ZNF831: variants seen among roughly 807,000 people sequenced by gnomAD.
ZNF831 encodes zinc finger protein 831.
Under a neutral mutation model 95.8 loss-of-function variants are expected in ZNF831, and 59 were observed. The observed-to-expected ratio is 0.62, with a 90% CI of 0.50 to 0.77. ZNF831 has a LOEUF of 0.77. Among genes scored for constraint, ZNF831 ranks in the 30% least tolerant of loss-of-function variants. The probability of loss-of-function intolerance (pLI) is 0.00; values close to 1 mark genes in which losing one functional copy is unlikely to be tolerated. For missense variants in ZNF831, 2,205 were observed against 2,164.0 expected (o/e 1.02, Z -0.38); for synonymous variants, 961 against 925.5 (o/e 1.04, Z -0.70).
chr20:59,198,388 A>G (rs975840882), intron 3 of ZNF831, among the ~76,000 whole-genome samples: 4 of 152,252 alleles, frequency 2.6e-5, no homozygotes, highest in Non-Finnish European at 5.9e-5. Context: ...CTTACATGGC[A>G]ACAGCCAGAT....
chr20:59,157,051 C>A (rs1019883243), intron 2 of ZNF831, among the ~76,000 whole-genome samples: 4 of 152,250 alleles, frequency 2.6e-5, no homozygotes, highest in Admixed American at 2.0e-4. Flanking sequence ...TCACCTCAAG[C>A]ATTTATCATC....
chr20:59,213,921 C>T (rs1055912739), intron 4 of ZNF831, among the ~76,000 whole-genome samples: 2 of 152,166 alleles, frequency 1.3e-5, no homozygotes, highest in South Asian at 4.1e-4. Flanking sequence ...TCCTCTCTCT[C>T]CCACACTACA....
At chr20:59,232,993 G>GACACACACAC (rs1986805781) in intron 4 of ZNF831, among the ~76,000 whole-genome samples, 1 of 97,908 alleles carries the variant, frequency 1.0e-5, no homozygotes, top group African/African-American at 4.0e-5. Flanking sequence ...AGGACCCTGA[G>GACACACACAC]GCACACACAC....
chr20:59,133,558 T>C (rs1979411056), intron 1 of ZNF831, among the ~76,000 whole-genome samples: 1 of 152,134 alleles, frequency 6.6e-6, no homozygotes, highest in African/African-American at 2.4e-5. Flanking sequence ...CGTGTGTGCC[T>C]CAATTTGACA....
upstream of ZNF831, chr20:59,159,894 G>C (rs111612836): frequency 2.6e-5 from 4 of 152,504 alleles, no homozygotes; most frequent in African/African-American, 9.6e-5. Context: ...GCTTCCACCT[G>C]GTGCGTAAGT....
intron 1 of ZNF831, among the ~76,000 whole-genome samples, chr20:59,183,546 A>G (rs2146524032): frequency 6.6e-6 from 1 of 152,322 alleles, no homozygotes; most frequent in African/African-American, 2.4e-5. Flanking sequence ...TGATTGATTC[A>G]GTATCCCCAC....
intron 1 of ZNF831, among the ~76,000 whole-genome samples, chr20:59,164,774 A>G (rs73306876): frequency 0.15 from 22,546 of 152,190 alleles, 1,814 homozygotes; most frequent in African/African-American, 0.22. Context: ...ACTTCCCAGT[A>G]TCCAAAATAG....
chr20:59,163,777 G>A (rs1295899276), upstream of ZNF831, among the ~76,000 whole-genome samples: 1 of 150,222 alleles, frequency 6.7e-6, no homozygotes, highest in Non-Finnish European at 1.5e-5. Flanking sequence ...CTACCGTGAC[G>A]TTAGGTAATG....
Position 59,169,757 on chromosome 20 carries a change from G to A in ZNF831, c.-37+5550G>A, listed in dbSNP as rs765884164. Reference sequence around the variant, plus strand: ...TCTACTAAAAATACAAAAATTAGCCGGGCATGATGGCAGACACCTGTAATC... The same window carrying A: ...TCTACTAAAAATACAAAAATTAGCCAGGCATGATGGCAGACACCTGTAATC... On this transcript the variant is annotated intron_variant, in intron 1 of 5. Transcript: ENST00000371030. The surrounding 1 kb of genome is among the most constrained non-coding windows in gnomAD (Gnocchi z 4.1). Among the ~76,000 whole-genome samples the A allele has an allele frequency of 6.6e-5, 10 of 151,954 alleles. No homozygotes were observed. The highest frequency in any genetic ancestry group is 2.0e-4 in the Admixed American group (3 of 15,244).
In ZNF831 at chr20:59,254,107, C is replaced by T. The variant is rs2146764105; in HGVS notation, c.4398C>T (p.Phe1466=). Residue 1466 remains phenylalanine, a synonymous_variant, in exon 6 of 6, where the codon TTC becomes TTT. Coordinates refer to ENST00000371030, the MANE Select transcript of ZNF831 (RefSeq NM_178457.3). This position sits in a 1 kb window ranked among gnomAD's most constrained non-coding sequence, Gnocchi z 4.5. ...SVSTDPKPYI[F]SDAQRPSSFG... Reference sequence around the variant, plus strand: ...CAACAGATCCCAAACCATACATCTTCTCAGATGCTCAAAGGCCTTCTTCCT... The same window carrying T: ...CAACAGATCCCAAACCATACATCTTTTCAGATGCTCAAAGGCCTTCTTCCT... The T allele has an allele frequency of 6.2e-7, 1 of 1,614,162 alleles. No homozygotes were observed. Among genetic ancestry groups the T allele is most frequent in the South Asian group, 1.1e-5 (1 of 91,066 alleles).
intron 4 of ZNF831, among the ~76,000 whole-genome samples, chr20:59,236,836 C>T (rs1987026741): frequency 2.0e-5 from 3 of 152,044 alleles, no homozygotes; most frequent in Admixed American, 1.3e-4. Context: ...CTTTTTCTCC[C>T]CCATCCCAGC....
chr20:59,206,887 T>C lies in ZNF831; in HGVS notation c.3876-18T>C. On this transcript the variant is annotated intron_variant, in intron 3 of 5. Transcript: ENST00000371030. Reference sequence around the variant, plus strand: ...CTCTCCAGGCTGGTTACTGCAAGCATGCTTCTCTCTTCTACAGGTACAAAG... The same window carrying C: ...CTCTCCAGGCTGGTTACTGCAAGCACGCTTCTCTCTTCTACAGGTACAAAG... 6.2e-7 allele frequency: 1 copy of C among 1,610,180 alleles called. No homozygotes were observed. Among genetic ancestry groups the C allele is most frequent in the African/African-American group, 1.3e-5 (1 of 74,786 alleles).
Position 59,192,522 on chromosome 20 carries a change from C to T in ZNF831, c.1503C>T (p.Val501=), listed in dbSNP as rs777944023. ...QLSTTVECVP[V]TRSNSLPFVE... is the part of the protein sequence containing the mutation. ...CCACCACCGTGGAATGTGTCCCCGT[C>T]ACCAGGAGCAACTCGCTGCCCTTCG... is the stretch of plus-strand genomic sequence containing the variant. Residue 501 remains valine, a synonymous_variant, in exon 2 of 6, where the codon GTC becomes GTT. Transcript: ENST00000371030. The surrounding 1 kb of genome is among the most constrained non-coding windows in gnomAD (Gnocchi z 5.2). 3.3e-5 allele frequency: 51 copies of T among 1,533,572 alleles called. No homozygotes were observed. Among genetic ancestry groups the T allele is most frequent in the Admixed American group, 1.3e-4 (6 of 47,538 alleles). 95.0% of individuals were successfully genotyped at this position (1,533,572 alleles called of 1,614,324 possible).
At chr20:59,245,370 C>T (rs961910155) in intron 4 of ZNF831, among the ~76,000 whole-genome samples, 4 of 152,190 alleles carry the variant, frequency 2.6e-5, no homozygotes, top group African/African-American at 7.2e-5. Context: ...AGGGGTCAGC[C>T]GCCCCTGGGG....
At chr20:59,230,648 C>A (rs1986673119) in intron 4 of ZNF831, among the ~76,000 whole-genome samples, 2 of 152,066 alleles carry the variant, frequency 1.3e-5, no homozygotes, top group Non-Finnish European at 2.9e-5. Context: ...TTTGCTGATG[C>A]CTGGTCCAGA....
At chr20:59,243,218 A>AT (rs1002590687) in intron 4 of ZNF831, among the ~76,000 whole-genome samples, 9 of 152,004 alleles carry the variant, frequency 5.9e-5, no homozygotes, top group South Asian at 2.1e-4. Context: ...TTTTAACTGG[A>AT]TTTTTTTCCC....
chr20:59,248,484 T>C (rs543687880), intron 4 of ZNF831, among the ~76,000 whole-genome samples: 11 of 152,336 alleles, frequency 7.2e-5, no homozygotes, highest in African/African-American at 2.2e-4. Flanking sequence ...AAAAACAAAT[T>C]AGATCAGTGG....
At chr20:59,253,781 A>C in intron 5 of ZNF831, 117 bp from the exon 6 acceptor site, 1 of 1,203,350 alleles carries the variant, frequency 8.3e-7, no homozygotes, top group Non-Finnish European at 1.1e-6. Context: ...ACCCTTGGTA[A>C]AGAATCATTA....
chr20:59,207,095 C>G (rs140993963), intron 4 of ZNF831, 39 bp downstream of exon 4: 1 of 1,602,244 alleles, frequency 6.2e-7, no homozygotes, highest in Non-Finnish European at 8.5e-7. Flanking sequence ...ACTGGGCACT[C>G]GAAGGCACCC....
Sources: gnomAD v4.1 joint callset for allele counts (sites outside exome capture counted in the v4.1 genomes callset) on GRCh38, gnomAD v4.1.1 for gene constraint, Gnocchi (gnomAD v3.1) non-coding constraint, MANE v1.5 for transcripts, NCBI Gene and HGNC (gene_info 2026-07-23, HGNC 2026-07-21) for gene names.